ZBTB20: variants seen among roughly 807,000 people sequenced by gnomAD.
ZBTB20 encodes zinc finger and BTB domain containing 20.
A neutral mutation model predicts 56.9 loss-of-function variants in ZBTB20; 9 were observed. The observed-to-expected ratio is 0.16, with a 90% CI of 0.10 to 0.28. The LOEUF is 0.28. Among genes scored for constraint, ZBTB20 ranks in the 10% least tolerant of loss-of-function variants. The probability of loss-of-function intolerance (pLI) is 1.00; values close to 1 mark genes in which losing one functional copy is unlikely to be tolerated. For synonymous variants in ZBTB20, 417 were observed against 420.7 expected, an observed-to-expected ratio of 0.99 and a Z score of 0.11; for missense variants, 655 against 1,003.0, an observed-to-expected ratio of 0.65 and a Z score of 4.69.
At chr3:114,674,863 C>T (rs776981977) in intron 6 of ZBTB20, among the ~76,000 whole-genome samples, 4 of 151,666 alleles carry the variant, frequency 2.6e-5, no homozygotes, top group Non-Finnish European at 5.9e-5. Flanking sequence ...CATAAACACA[C>T]ACATACACAC....
intron 1 of ZBTB20, among the ~76,000 whole-genome samples, chr3:115,130,641 A>G (rs1245370846): frequency 2.0e-5 from 3 of 152,254 alleles, no homozygotes; most frequent in Non-Finnish European, 2.9e-5. Context: ...GTGGTCCAAA[A>G]TTAACTTAAA....
Position 114,339,455 on chromosome 3 carries a change from G to A in ZBTB20, c.1805-29C>T. 2 of 1,602,632 alleles carry A rather than the reference G, an allele frequency of 1.2e-6. No homozygotes were observed. The highest frequency in any genetic ancestry group is 1.1e-5 in the South Asian group (1 of 90,622). Reference sequence around the variant, plus strand: ...TTGATGTAGGAAGAGACAGCAAGCAGGACAGAGCGAGACATAGCAAGGGAT... The same window carrying A: ...TTGATGTAGGAAGAGACAGCAAGCAAGACAGAGCGAGACATAGCAAGGGAT... On this transcript the variant is annotated intron_variant, in intron 11 of 11. Transcript: ENST00000675478. This position sits in a 1 kb window ranked among gnomAD's most constrained non-coding sequence, Gnocchi z 4.2.
chr3:115,058,117 C>T (rs2081876842), intron 2 of ZBTB20, among the ~76,000 whole-genome samples: 1 of 152,140 alleles, frequency 6.6e-6, no homozygotes, highest in Non-Finnish European at 1.5e-5. Flanking sequence ...AAATTACCTC[C>T]CACCGGGTCC....
chr3:114,601,039 C>G (rs1375346884), intron 6 of ZBTB20, among the ~76,000 whole-genome samples: 3 of 151,698 alleles, frequency 2.0e-5, no homozygotes, highest in Non-Finnish European at 4.4e-5. Context: ...AATAAGCCAT[C>G]TGCTGCGCAG....
intron 3 of ZBTB20, among the ~76,000 whole-genome samples, chr3:114,973,110 G>A (rs1023044722): frequency 6.6e-5 from 10 of 152,220 alleles, no homozygotes; most frequent in East Asian, 1.9e-4. Flanking sequence ...GAAAACTTAC[G>A]TGCAAAGAGA....
rs564626189 is a variant in ZBTB20 at position 115,059,472 on chromosome 3, A to T, written c.-507+11747T>A. Among the ~76,000 whole-genome samples, 160 of 152,086 alleles carry T rather than the reference A, an allele frequency of 1.1e-3. 1 individual carries two copies. Among genetic ancestry groups the T allele is most frequent in the South Asian group, 1.9e-3 (9 of 4,814 alleles). The stretch of plus-strand genomic sequence containing the variant: ...AGTGTCTCCACTTTGGCTGAACAAA[A>T]CTCAAACACTTCCAATCCGCGAAAG... On this transcript the variant is annotated intron_variant, in intron 2 of 11. Transcript: ENST00000675478.
chr3:115,002,370 G>A (rs180985646), intron 2 of ZBTB20, among the ~76,000 whole-genome samples: 71 of 151,532 alleles, frequency 4.7e-4, no homozygotes, highest in Non-Finnish European at 8.1e-4. Context: ...AATAATTGAC[G>A]TTAGAGTTTA....
chr3:114,356,476 G>C (rs563631918), intron 10 of ZBTB20, among the ~76,000 whole-genome samples: 1 of 152,280 alleles, frequency 6.6e-6, no homozygotes, highest in Admixed American at 6.5e-5. Flanking sequence ...GGGGGATGGG[G>C]ATTTGAAGTC....
At chr3:115,049,186 C>T (rs936104905) in intron 2 of ZBTB20, among the ~76,000 whole-genome samples, 11 of 152,076 alleles carry the variant, frequency 7.2e-5, no homozygotes, top group African/African-American at 2.7e-4. Context: ...TGACTCTATA[C>T]CTCTCTGGTA....
At chr3:114,679,945 C>T (rs2061870247) in intron 6 of ZBTB20, among the ~76,000 whole-genome samples, 1 of 152,160 alleles carries the variant, frequency 6.6e-6, no homozygotes, top group Non-Finnish European at 1.5e-5. Flanking sequence ...ACATGGAATA[C>T]TATGCAGCCA....
At chr3:114,900,563 G>A (rs2075076469) in intron 3 of ZBTB20, 1 of 150,668 alleles carries the variant, frequency 6.6e-6, no homozygotes, top group South Asian at 2.1e-4. Flanking sequence ...TCCCTTAGCA[G>A]TGTATCATAA....
intron 7 of ZBTB20, among the ~76,000 whole-genome samples, chr3:114,431,532 T>C (rs2090122589): frequency 6.6e-6 from 1 of 152,210 alleles, no homozygotes; most frequent in African/African-American, 2.4e-5. Flanking sequence ...TTATTTACAA[T>C]TATTTTCTAT....
At chr3:115,020,107 G>A (rs998885075) in intron 2 of ZBTB20, among the ~76,000 whole-genome samples, 3 of 151,012 alleles carry the variant, frequency 2.0e-5, no homozygotes, top group Non-Finnish European at 3.0e-5. Flanking sequence ...ACAACTCTGC[G>A]TAGGATTAGT....
chr3:114,903,893 C>CTTAGA (rs933112541), intron 3 of ZBTB20, among the ~76,000 whole-genome samples: 3 of 151,558 alleles, frequency 2.0e-5, no homozygotes, highest in African/African-American at 7.3e-5. Flanking sequence ...TAAAAAAAAA[C>CTTAGA]GTTAGAGTCA....
At chr3:114,790,442 C>T (rs748276136) in intron 5 of ZBTB20, among the ~76,000 whole-genome samples, 2 of 152,024 alleles carry the variant, frequency 1.3e-5, no homozygotes, top group Admixed American at 6.6e-5. Context: ...ATACTCATTA[C>T]CCTGAAAATT....
At chr3:114,517,089 A>G (rs1452311841) in intron 6 of ZBTB20, among the ~76,000 whole-genome samples, 1 of 152,236 alleles carries the variant, frequency 6.6e-6, no homozygotes, top group Non-Finnish European at 1.5e-5. Flanking sequence ...TGAATGAATG[A>G]CTAAGAACTT....
intron 5 of ZBTB20, among the ~76,000 whole-genome samples, chr3:114,702,240 G>A (rs1379240451): frequency 6.6e-6 from 1 of 152,134 alleles, no homozygotes; most frequent in Non-Finnish European, 1.5e-5. Context: ...CTACTCTGGA[G>A]GCTGAGGCTG....
Position 114,777,305 on chromosome 3 carries a change from G to C in ZBTB20, c.-343+23796C>G, listed in dbSNP as rs2069677982. 2.0e-5 allele frequency among the ~76,000 whole-genome samples: 3 copies of C among 152,084 alleles called. No homozygotes were observed. The South Asian group carries it at 6.2e-4, about 32-fold the overall frequency. Reference sequence around the variant, plus strand: ...AGGCCGAGGGAGGTCAGGACTTCAAGACCAGCCTGACTAACATGGAGAAAT... The same window carrying C: ...AGGCCGAGGGAGGTCAGGACTTCAACACCAGCCTGACTAACATGGAGAAAT... On this transcript the variant is annotated intron_variant, in intron 5 of 11. Coordinates refer to ENST00000675478, the MANE Select transcript of ZBTB20 (RefSeq NM_001348800.3).
intron 10 of ZBTB20, among the ~76,000 whole-genome samples, chr3:114,368,069 C>A (rs924731711): frequency 2.6e-5 from 4 of 152,204 alleles, no homozygotes; most frequent in Admixed American, 6.5e-5. Flanking sequence ...GTAGCCGACA[C>A]TCAAATTCAC....
Sources: gnomAD v4.1 joint callset for allele counts (sites outside exome capture counted in the v4.1 genomes callset) on GRCh38, gnomAD v4.1.1 for gene constraint, Gnocchi (gnomAD v3.1) non-coding constraint, MANE v1.5 for transcripts, NCBI Gene and HGNC (gene_info 2026-07-23, HGNC 2026-07-21) for gene names.